The following NDUFAF2 variants were observed in gnomAD, a reference collection of about 807,000 sequenced individuals.
NDUFAF2 encodes NADH:ubiquinone oxidoreductase complex assembly factor 2.
In NDUFAF2, 13 loss-of-function variants were observed where a neutral mutation model predicts 22.8. That is an observed-to-expected ratio of 0.57 (90% CI 0.37 to 0.91). The LOEUF is 0.91. NDUFAF2 is among the 40% of genes least tolerant of loss of function. The pLI is 0.01. For synonymous variants in NDUFAF2, 53 were observed against 64.2 expected, an observed-to-expected ratio of 0.83 and a Z score of 0.84; for missense variants, 162 against 195.2, an observed-to-expected ratio of 0.83 and a Z score of 1.01.
chr5:61,089,257 G>A (rs1035489497), intron 2 of NDUFAF2, among the ~76,000 whole-genome samples: 1 of 152,048 alleles, frequency 6.6e-6, no homozygotes, highest in Non-Finnish European at 1.5e-5. Flanking sequence ...GGATCATAAG[G>A]TGTAAACTGT....
intron 1 of NDUFAF2, among the ~76,000 whole-genome samples, chr5:61,036,124 C>T (rs1001343788): frequency 1.3e-5 from 2 of 152,154 alleles, no homozygotes; most frequent in African/African-American, 4.8e-5. Context: ...ATGTTAAGGG[C>T]AGGCCTGGAA....
chr5:61,052,686 T>C (rs1199259935), intron 1 of NDUFAF2, among the ~76,000 whole-genome samples: 1 of 152,226 alleles, frequency 6.6e-6, no homozygotes, highest in African/African-American at 2.4e-5. Flanking sequence ...TAGACACTAA[T>C]GTAATGAACA....
chr5:60,994,506 G>A (rs1194223312), intron 1 of NDUFAF2, among the ~76,000 whole-genome samples: 7 of 152,220 alleles, frequency 4.6e-5, no homozygotes, highest in African/African-American at 9.7e-5. Context: ...AGCCCTGGCC[G>A]TGCTTCCCTG....
intron 2 of NDUFAF2, among the ~76,000 whole-genome samples, chr5:61,076,267 G>A (rs879754177): frequency 1.1e-4 from 16 of 152,092 alleles, no homozygotes; most frequent in Non-Finnish European, 2.9e-5. Flanking sequence ...GTAGAGAGAG[G>A]GTTTCACCAT....
At chr5:61,086,955 A>G (rs971568556) in intron 2 of NDUFAF2, among the ~76,000 whole-genome samples, 2 of 152,194 alleles carry the variant, frequency 1.3e-5, no homozygotes, top group East Asian at 1.9e-4. Flanking sequence ...GACAAAAGGT[A>G]TAAACAGACA....
At chr5:61,024,943 T>A (rs1751631042) in intron 1 of NDUFAF2, among the ~76,000 whole-genome samples, 1 of 152,014 alleles carries the variant, frequency 6.6e-6, no homozygotes, top group Admixed American at 6.6e-5. Context: ...AATTGTATTC[T>A]CCCCTCTGCC....
intron 1 of NDUFAF2, among the ~76,000 whole-genome samples, chr5:61,040,303 A>ACGCGCGC (rs1561548691): frequency 6.5e-5 from 9 of 137,486 alleles, no homozygotes; most frequent in African/African-American, 2.4e-4. Flanking sequence ...CGCGCGCGCG[A>ACGCGCGC]AAGTTGAAAG....
chr5:61,023,365 A>G (rs1176149462), intron 1 of NDUFAF2, among the ~76,000 whole-genome samples: 1 of 151,946 alleles, frequency 6.6e-6, no homozygotes, highest in Non-Finnish European at 1.5e-5. Flanking sequence ...TTCAGATTCT[A>G]TTTATAGTTT....
chr5:61,047,215 T>C (rs970427385), intron 1 of NDUFAF2, among the ~76,000 whole-genome samples: 1 of 152,140 alleles, frequency 6.6e-6, no homozygotes, highest in Non-Finnish European at 1.5e-5. Flanking sequence ...CTAATACATA[T>C]AATGCTTACT....
intron 1 of NDUFAF2, among the ~76,000 whole-genome samples, chr5:60,990,249 C>T (rs1292733422): frequency 6.6e-6 from 1 of 151,962 alleles, no homozygotes; most frequent in African/African-American, 2.4e-5. Context: ...TGACTACAGT[C>T]AACTATAATT....
intron 3 of NDUFAF2, among the ~76,000 whole-genome samples, chr5:61,142,188 A>C (rs1741070190): frequency 6.6e-6 from 1 of 152,168 alleles, no homozygotes; most frequent in African/African-American, 2.4e-5. Flanking sequence ...TTAACTGCTA[A>C]ATTTCTTTTT....
At chr5:61,150,632 A>C (rs1317762906) in intron 3 of NDUFAF2, among the ~76,000 whole-genome samples, 1 of 152,182 alleles carries the variant, frequency 6.6e-6, no homozygotes, top group Non-Finnish European at 1.5e-5. Context: ...TAAATAAAGT[A>C]GGCAGGGGCA....
At chr5:61,125,938 A>G (rs1753030660) in intron 3 of NDUFAF2, among the ~76,000 whole-genome samples, 1 of 152,036 alleles carries the variant, frequency 6.6e-6, no homozygotes, top group Non-Finnish European at 1.5e-5. Flanking sequence ...CCCAAGTCCT[A>G]TGCATCCAAT....
intron 1 of NDUFAF2, among the ~76,000 whole-genome samples, chr5:60,952,021 C>T (rs935857462): frequency 1.3e-5 from 2 of 150,766 alleles, no homozygotes; most frequent in Non-Finnish European, 3.0e-5. Flanking sequence ...AGTTGTAATA[C>T]CTCTTCATTA....
intron 1 of NDUFAF2, among the ~76,000 whole-genome samples, chr5:60,993,969 T>G (rs1751194366): frequency 6.6e-6 from 1 of 152,216 alleles, no homozygotes; most frequent in Non-Finnish European, 1.5e-5. Flanking sequence ...AGGTGGGGCC[T>G]CAGTGGGGAC....
chr5:61,012,812 C>T (rs894373441), intron 1 of NDUFAF2, among the ~76,000 whole-genome samples: 1 of 151,900 alleles, frequency 6.6e-6, no homozygotes, highest in African/African-American at 2.4e-5. Flanking sequence ...AAATATAAAA[C>T]ATTTTACAAA....
chr5:60,996,588 G>A (rs1176633850), intron 1 of NDUFAF2, among the ~76,000 whole-genome samples: 1 of 152,150 alleles, frequency 6.6e-6, no homozygotes, highest in Non-Finnish European at 1.5e-5. Context: ...GCTGAGCCTA[G>A]TTCAACACCA....
chr5:61,045,794 T>G (rs1751947309), intron 1 of NDUFAF2, among the ~76,000 whole-genome samples: 1 of 152,184 alleles, frequency 6.6e-6, no homozygotes. Context: ...TCCTTTCTGA[T>G]TTGGATGCCT....
intron 3 of NDUFAF2, among the ~76,000 whole-genome samples, chr5:61,113,041 C>T (rs1290894018): frequency 1.3e-5 from 2 of 152,106 alleles, no homozygotes; most frequent in East Asian, 3.9e-4. Flanking sequence ...AAAAACTGTA[C>T]ACTTTAACAT....
Sources: gnomAD v4.1 joint callset for allele counts (sites outside exome capture counted in the v4.1 genomes callset) on GRCh38, gnomAD v4.1.1 for gene constraint, MANE v1.5 for transcripts, NCBI Gene and HGNC (gene_info 2026-07-23, HGNC 2026-07-21) for gene names.